The following NCALD variants were observed in gnomAD, a reference collection of about 807,000 sequenced individuals.
NCALD encodes neurocalcin-delta.
In NCALD, 10 loss-of-function variants were observed where a neutral mutation model predicts 18.6. That is an observed-to-expected ratio of 0.54 (90% CI 0.33 to 0.91). The LOEUF (loss-of-function observed/expected upper bound fraction) is 0.91. Among genes scored for constraint, NCALD ranks in the 40% least tolerant of loss-of-function variants. NCALD has a pLI of 0.03. For synonymous variants in NCALD, 88 were observed against 87.4 expected (o/e 1.01, Z -0.04); for missense variants, 184 against 247.6 (o/e 0.74, Z 1.72).
At chr8:102,082,294 G>A (rs554734295) in intron 1 of NCALD, among the ~76,000 whole-genome samples, 4 of 139,568 alleles carry the variant, frequency 2.9e-5, no homozygotes, top group Non-Finnish European at 4.5e-5. Context: ...GTGCAGTGGC[G>A]CAGTCTGGGC....
At chr8:102,124,431 G>A (rs1271317994), upstream of NCALD, 2 of 151,860 alleles carry the variant, frequency 1.3e-5, no homozygotes, top group African/African-American at 2.4e-5. Context: ...CCTCTCCGGC[G>A]TGGGCTTCAC....
At chr8:101,955,308 C>CAGT (rs1482905269) in intron 2 of NCALD, among the ~76,000 whole-genome samples, 2 of 152,312 alleles carry the variant, frequency 1.3e-5, no homozygotes, top group Non-Finnish European at 2.9e-5. Flanking sequence ...AGTCCACTAA[C>CAGT]TATTCTCTTT....
At chr8:101,716,336 G>C (rs1346920040) in intron 2 of NCALD, among the ~76,000 whole-genome samples, 1 of 152,056 alleles carries the variant, frequency 6.6e-6, no homozygotes, top group East Asian at 1.9e-4. Flanking sequence ...GTGGGCAAGG[G>C]GAGGGATAGC....
At chr8:101,988,174 AAAAAAGAAAAG>A (rs1820898747) in intron 2 of NCALD, among the ~76,000 whole-genome samples, 2 of 151,436 alleles carry the variant, frequency 1.3e-5, no homozygotes, top group Admixed American at 1.3e-4. Context: ...AAAAGAAAAA[AAAAAAGAAAAG>A]AAAAGAAAAA....
intron 2 of NCALD, among the ~76,000 whole-genome samples, chr8:101,966,607 A>G (rs1022734453): frequency 2.0e-5 from 3 of 152,078 alleles, no homozygotes; most frequent in African/African-American, 7.2e-5. Context: ...CATTGTGCAC[A>G]TGTACCCTAA....
Position 101,757,302 on chromosome 8 carries a change from C to G in NCALD, c.-20+33560G>C, listed in dbSNP as rs145681341. On this transcript the variant is annotated intron_variant, in intron 1 of 3. Transcript: ENST00000220931. Reference sequence around the variant, plus strand: ...GTTTCTCTTTTAAAAAGAAAAGTAACTGAACATTCAAGGTGCTATGGCAAG... The same window carrying G: ...GTTTCTCTTTTAAAAAGAAAAGTAAGTGAACATTCAAGGTGCTATGGCAAG... Among the ~76,000 whole-genome samples, 107 of 152,312 alleles carry G rather than the reference C, an allele frequency of 7.0e-4. No individual in the cohort carries two copies. The East Asian group carries it at 0.018, about 26-fold the overall frequency.
chr8:101,797,591 G>A (rs1025733080), intron 4 of NCALD, among the ~76,000 whole-genome samples: 1 of 152,172 alleles, frequency 6.6e-6, no homozygotes, highest in Non-Finnish European at 1.5e-5. Flanking sequence ...GCCAAAGCAG[G>A]CAGATCACGA....
At chr8:101,716,275 T>A (rs1426982493) in intron 2 of NCALD, among the ~76,000 whole-genome samples, 1 of 151,594 alleles carries the variant, frequency 6.6e-6, no homozygotes, top group Non-Finnish European at 1.5e-5. Context: ...ACAATGAGAA[T>A]ATATGGGCAC....
intron 4 of NCALD, among the ~76,000 whole-genome samples, chr8:101,874,673 C>T (rs139618675): frequency 1.6e-4 from 24 of 146,516 alleles, no homozygotes; most frequent in Admixed American, 5.5e-4. Context: ...TACAGGTGTG[C>T]ACCACCACAT....
intron 2 of NCALD, among the ~76,000 whole-genome samples, chr8:101,976,217 T>A (rs567444284): frequency 6.6e-6 from 1 of 152,196 alleles, no homozygotes; most frequent in Non-Finnish European, 1.5e-5. Context: ...ATGATTTCTA[T>A]AAACCCTGCC....
chr8:101,876,731 T>C (rs1816243257), intron 4 of NCALD, among the ~76,000 whole-genome samples: 1 of 152,248 alleles, frequency 6.6e-6, no homozygotes, highest in South Asian at 2.1e-4. Flanking sequence ...CAAGACATAG[T>C]ACTTATTGCT....
Position 101,982,766 on chromosome 8 carries a change from G to A in NCALD, c.-157+37471C>T, listed in dbSNP as rs1338192929. On this transcript the variant is annotated intron_variant, in intron 2 of 6. Coordinates refer to the NCALD transcript ENST00000311028. ...TGAGGCAGGAGAATTGCTTGAACCC[G>A]GGAGGCAGAGGCTGTAGTGAGCCGT... Among the ~76,000 whole-genome samples the A allele has an allele frequency of 4.6e-5, 7 of 151,806 alleles. No individual in the cohort carries two copies. In the East Asian group the frequency reaches 5.8e-4, roughly 13 times the overall value.
chr8:101,819,395 T>A (rs1299317176), intron 4 of NCALD, among the ~76,000 whole-genome samples: 1 of 152,002 alleles, frequency 6.6e-6, no homozygotes, highest in African/African-American at 2.4e-5. Flanking sequence ...ATTTTAAAGA[T>A]GTATTTGTTT....
chr8:101,780,535 CAGA>C (rs973830312), intron 1 of NCALD, among the ~76,000 whole-genome samples: 1 of 152,040 alleles, frequency 6.6e-6, no homozygotes, highest in Non-Finnish European at 1.5e-5. Context: ...TGTTTAAAAA[CAGA>C]AGAACAGTGG....
In NCALD at chr8:101,692,015, G is replaced by A. The variant is rs1389020302; in HGVS notation, c.484+776C>T. On this transcript the variant is annotated intron_variant, in intron 3 of 3. Transcript: ENST00000220931. ...TGGCAAATTAAATACATGATGCCCC[G>A]TTAACTTTGAATTTCAGATAAACAG... 1.6e-5 allele frequency: 16 copies of A among 981,060 alleles called. No individual in the cohort carries two copies. In the East Asian group the frequency reaches 3.4e-4, roughly 21 times the overall value. The allele number at this position is 981,060 out of a possible 1,614,324, so 60.8% of individuals were successfully genotyped here.
rs779772264 is a variant in NCALD, at chr8:101,789,669, TCTA to T, written c.-20+1190_-20+1192del. On this transcript the variant is annotated intron_variant, in intron 1 of 3. Coordinates refer to ENST00000220931, the MANE Select transcript of NCALD (RefSeq NM_032041.3). The stretch of plus-strand genomic sequence containing the variant: ...CATATATACAGTTAAACCAGTTTCT[TCTA>T]CTAATTAAAATACTAGCTGTATTAC... Among the ~76,000 whole-genome samples, 30 of 152,220 alleles carry T rather than the reference TCTA, an allele frequency of 2.0e-4. 1 individual carries two copies. The highest frequency in any genetic ancestry group is 1.0e-4 in the Non-Finnish European group (7 of 68,030).
chr8:101,737,121 A>G (rs911756175), intron 1 of NCALD, among the ~76,000 whole-genome samples: 1 of 152,084 alleles, frequency 6.6e-6, no homozygotes, highest in African/African-American at 2.4e-5. Context: ...TTGTCTCTCA[A>G]CAGTTCTTTT....
chr8:101,958,703 C>T (rs1819727700), intron 2 of NCALD, among the ~76,000 whole-genome samples: 1 of 152,124 alleles, frequency 6.6e-6, no homozygotes, highest in Non-Finnish European at 1.5e-5. Context: ...GGCTAAATAA[C>T]TCACCCAAGG....
chr8:101,823,479 T>C (rs1449696494), intron 4 of NCALD, among the ~76,000 whole-genome samples: 2 of 152,194 alleles, frequency 1.3e-5, no homozygotes, highest in Non-Finnish European at 2.9e-5. Context: ...TACCTTGTAA[T>C]TTCACAGAGC....
Sources: gnomAD v4.1 joint callset for allele counts (sites outside exome capture counted in the v4.1 genomes callset) on GRCh38, gnomAD v4.1.1 for gene constraint, MANE v1.5 for transcripts, NCBI Gene and HGNC (gene_info 2026-07-23, HGNC 2026-07-21) for gene names.